The following GSE1 variants were observed in gnomAD, a reference collection of about 807,000 sequenced individuals.
GSE1 encodes genetic suppressor element 1.
Under a neutral mutation model 112.6 loss-of-function variants are expected in GSE1, and 32 were observed. The observed-to-expected ratio is 0.28, with a 90% CI of 0.21 to 0.38. The LOEUF is 0.38. Ranked by LOEUF, GSE1 falls within the 10% of genes least tolerant of loss-of-function variation. GSE1 has a pLI of 1.00. For missense variants in GSE1, 2,348 were observed against 1,699.2 expected (o/e 1.38, Z -6.71); for synonymous variants, 1,115 against 735.6 (o/e 1.52, Z -8.35).
chr16:85,548,247 GAAA>G (rs2044774109), intron 2 of GSE1, among the ~76,000 whole-genome samples: 1 of 67,962 alleles, frequency 1.5e-5, no homozygotes, highest in Non-Finnish European at 3.4e-5. Flanking sequence ...AAAAAAAAAA[GAAA>G]GAAAGAAAGA....
chr16:85,528,474 C>T (rs1197090295), intron 2 of GSE1, among the ~76,000 whole-genome samples: 3 of 138,998 alleles, frequency 2.2e-5, no homozygotes, highest in Non-Finnish European at 3.1e-5. Context: ...CCACCACCCC[C>T]GGCTAATTTT....
chr16:85,429,142 C>G (rs1283757528), intron 2 of GSE1, among the ~76,000 whole-genome samples: 2 of 152,230 alleles, frequency 1.3e-5, no homozygotes, highest in African/African-American at 4.8e-5. Flanking sequence ...GCACATGCAA[C>G]ATACATGCAG....
chr16:85,668,428 AG>A lies in GSE1; in HGVS notation c.3415+9del, dbSNP rs776016205. The A allele has an allele frequency of 2.1e-5, 28 of 1,340,722 alleles. No individual in the cohort carries two copies. Among genetic ancestry groups the A allele is most frequent in the Non-Finnish European group, 3.0e-5 (28 of 943,102 alleles). 83.1% of individuals were successfully genotyped at this position (1,340,722 alleles called of 1,614,324 possible). On this transcript the variant is annotated splice_donor_5th_base_variant and intron_variant, in intron 14 of 15. Coordinates refer to ENST00000253458, the MANE Select transcript of GSE1 (RefSeq NM_014615.5). Reference sequence around the variant, plus strand: ...GCTTACCAGGAACACATAGAAGGTAAGGGGGTGCTGGGGAAGAGGGGGGAGG... The same window carrying A: ...GCTTACCAGGAACACATAGAAGGTAAGGGGTGCTGGGGAAGAGGGGGGAGG...
Position 85,666,259 on chromosome 16 carries a change from G to T in GSE1, c.3042G>T (p.Pro1014=). The change falls in exon 13 of 16, where the codon CCG becomes CCT. Residue 1014 remains proline, a synonymous_variant. Coordinates refer to ENST00000253458, the MANE Select transcript of GSE1 (RefSeq NM_014615.5). ...ACAGCACCAATGGGAAGAGCAAGCC[G>T]TGGGAGCCCTTTGTGGCAGAAGAGT... ...LSHSTNGKSK[P]WEPFVAEEFA... 5.0e-6 allele frequency: 8 copies of T among 1,613,874 alleles called. No individual in the cohort carries two copies. The highest frequency in any genetic ancestry group is 6.8e-6 in the Non-Finnish European group (8 of 1,180,036).
At chr16:85,207,532 C>T (rs1244470507) in intron 1 of GSE1, among the ~76,000 whole-genome samples, 1 of 147,126 alleles carries the variant, frequency 6.8e-6, no homozygotes. Flanking sequence ...ATTCAGAGGC[C>T]CCTGCACCCT....
intron 1 of GSE1, among the ~76,000 whole-genome samples, chr16:85,560,710 G>A (rs569042251): frequency 2.0e-5 from 3 of 152,124 alleles, no homozygotes; most frequent in East Asian, 3.8e-4. Flanking sequence ...ATGTATGTAT[G>A]TATGCCTAGA....
At chr16:85,252,530 G>A (rs1906602477) in intron 1 of GSE1, among the ~76,000 whole-genome samples, 2 of 152,236 alleles carry the variant, frequency 1.3e-5, no homozygotes, top group Admixed American at 1.3e-4. Context: ...CCAGCACTCT[G>A]GGGAACCCAG....
rs369711524 is a variant in GSE1, at chr16:85,671,085, C to A, written c.3506C>A (p.Ser1169Tyr). The change falls in exon 15 of 16, where the codon TCC becomes TAC. Residue 1169 changes from serine (S) to tyrosine (Y), a missense_variant. By Grantham distance (144) the Ser-to-Tyr change is moderately radical (BLOSUM62 -2). Transcript: ENST00000253458. ...YSLSLTAEQLSHSVAELRSQK... is the reference protein window; with the variant it reads ...YSLSLTAEQLYHSVAELRSQK... ...CTCAGCCTGACGGCAGAGCAGCTCT[C>A]CCACAGCGTGGCGGTGAGTTGGGAA... 1.0e-5 allele frequency: 16 copies of A among 1,601,832 alleles called. No individual in the cohort carries two copies. Among genetic ancestry groups the A allele is most frequent in the Non-Finnish European group, 1.2e-5 (14 of 1,168,956 alleles).
intron 1 of GSE1, among the ~76,000 whole-genome samples, chr16:85,559,113 C>G (rs1161773731): frequency 1.3e-5 from 2 of 152,234 alleles, no homozygotes; most frequent in Non-Finnish European, 2.9e-5. Context: ...CCACTTTGGG[C>G]TCCCACCTTG....
intron 1 of GSE1, among the ~76,000 whole-genome samples, chr16:85,175,844 C>T (rs2074452347): frequency 6.6e-6 from 1 of 152,140 alleles, no homozygotes; most frequent in South Asian, 2.1e-4. Flanking sequence ...CCACTGTTCC[C>T]TTTTCGTAAA....
chr16:85,512,995 C>T (rs1387467542), intron 2 of GSE1, among the ~76,000 whole-genome samples: 1 of 152,184 alleles, frequency 6.6e-6, no homozygotes, highest in Non-Finnish European at 1.5e-5. Context: ...ATGGGGAGCT[C>T]TGGAATCCCT....
intron 2 of GSE1, among the ~76,000 whole-genome samples, chr16:85,454,497 A>C (rs1239393127): frequency 6.6e-6 from 1 of 152,244 alleles, no homozygotes; most frequent in Non-Finnish European, 1.5e-5. Flanking sequence ...TGGAGCATCC[A>C]TGCAGCCAGG....
intron 1 of GSE1, among the ~76,000 whole-genome samples, chr16:85,335,531 T>TG (rs1425576644): frequency 6.6e-6 from 1 of 152,098 alleles, no homozygotes; most frequent in Non-Finnish European, 1.5e-5. Context: ...CTGCAGGTGC[T>TG]GGGGCGTGGG....
chr16:85,335,077 G>A (rs572821893), intron 1 of GSE1, among the ~76,000 whole-genome samples: 3 of 152,166 alleles, frequency 2.0e-5, no homozygotes, highest in Admixed American at 6.5e-5. Flanking sequence ...TGAGTTTCCC[G>A]TGCGGTGGGA....
chr16:85,572,321 C>T (rs1029774625), intron 1 of GSE1, among the ~76,000 whole-genome samples: 1 of 144,372 alleles, frequency 6.9e-6, no homozygotes, highest in Non-Finnish European at 1.5e-5. Flanking sequence ...CCACACAACA[C>T]ACCACACACA....
intron 2 of GSE1, among the ~76,000 whole-genome samples, chr16:85,457,088 G>T (rs2049848555): frequency 6.6e-6 from 1 of 152,194 alleles, no homozygotes. Context: ...GGGTGGCTGT[G>T]GGGGTAAGCC....
chr16:85,661,071 G>A lies in GSE1; in HGVS notation c.1641-75G>A, dbSNP rs1371288444. 2.8e-6 allele frequency: 4 copies of A among 1,406,580 alleles called. No homozygotes were observed. In the East Asian group the frequency reaches 6.9e-5, roughly 24 times the overall value. 87.1% of individuals were successfully genotyped at this position (1,406,580 alleles called of 1,614,324 possible). A position where few individuals can be genotyped will look rare whatever the true frequency, so the allele number is the denominator to read the frequency against. ...CGCCATCTGTGTCATCTTAGGAGCG[G>A]CAGGCAGCCAGGGAAGCCTGTGGAT... is the stretch of plus-strand genomic sequence containing the variant. On this transcript the variant is annotated intron_variant, in intron 8 of 15. Transcript: ENST00000253458.
intron 2 of GSE1, among the ~76,000 whole-genome samples, chr16:85,514,761 C>CA (rs199871882): frequency 0.02 from 3,042 of 152,310 alleles, 41 homozygotes; most frequent in Middle Eastern, 0.058. Flanking sequence ...CCCCTTGCCC[C>CA]AGGGGGTTGG....
intron 2 of GSE1, among the ~76,000 whole-genome samples, chr16:85,447,080 C>T (rs1239006613): frequency 2.0e-5 from 3 of 152,320 alleles, no homozygotes; most frequent in South Asian, 2.1e-4. Flanking sequence ...TGACCCTGCT[C>T]GGGCCTCTCA....
Sources: gnomAD v4.1 joint callset for allele counts (sites outside exome capture counted in the v4.1 genomes callset) on GRCh38, gnomAD v4.1.1 for gene constraint, MANE v1.5 for transcripts, NCBI Gene and HGNC (gene_info 2026-07-23, HGNC 2026-07-21) for gene names.